Variants in STON2 observed in about 807,000 individuals in gnomAD.
The protein encoded by STON2 is stonin 2.
A neutral mutation model predicts 65.7 loss-of-function variants in STON2; 29 were observed. The ratio of observed to expected loss-of-function variants is 0.44; its 90% CI spans 0.33 to 0.60. The LOEUF (loss-of-function observed/expected upper bound fraction) is 0.60. STON2 is among the 20% of genes least tolerant of loss of function. The pLI is 0.03. For synonymous variants in STON2, 404 were observed against 414.2 expected (o/e 0.98, Z 0.30); for missense variants, 1,054 against 1,118.1 (o/e 0.94, Z 0.82).
At chr14:81,327,239 T>A (rs1299343546) in intron 4 of STON2, among the ~76,000 whole-genome samples, 1 of 151,878 alleles carries the variant, frequency 6.6e-6, no homozygotes, top group Non-Finnish European at 1.5e-5. Flanking sequence ...ATATATCAAA[T>A]TTTTTTTTAT....
At chr14:81,313,489 T>A (rs533811631) in intron 5 of STON2, among the ~76,000 whole-genome samples, 1 of 150,680 alleles carries the variant, frequency 6.6e-6, no homozygotes, top group South Asian at 2.1e-4. Flanking sequence ...GAAAGAAAAT[T>A]GATTAAAAAA....
chr14:81,283,041 T>C (rs1369671992), intron 5 of STON2, among the ~76,000 whole-genome samples: 5 of 152,222 alleles, frequency 3.3e-5, no homozygotes, highest in African/African-American at 1.2e-4. Flanking sequence ...ACCTCCAAAT[T>C]GTTTTTATTA....
At chr14:81,363,144 G>A (rs1308530313) in intron 4 of STON2, among the ~76,000 whole-genome samples, 2 of 152,100 alleles carry the variant, frequency 1.3e-5, no homozygotes, top group Non-Finnish European at 2.9e-5. Context: ...CTTTTTATTT[G>A]TGTGACTTTT....
chr14:81,386,391 C>T (rs986992336), intron 3 of STON2, among the ~76,000 whole-genome samples: 9 of 152,086 alleles, frequency 5.9e-5, no homozygotes, highest in African/African-American at 1.2e-4. Context: ...AAATTAACGG[C>T]GGGGCTAGTC....
chr14:81,421,367 G>A (rs1316875039), intron 2 of STON2, among the ~76,000 whole-genome samples: 1 of 152,224 alleles, frequency 6.6e-6, no homozygotes, highest in Non-Finnish European at 1.5e-5. Flanking sequence ...GCCATGCCAA[G>A]AAGGCTGGGT....
intron 2 of STON2, among the ~76,000 whole-genome samples, chr14:81,416,480 G>C (rs1415772418): frequency 1.3e-5 from 2 of 152,220 alleles, no homozygotes; most frequent in East Asian, 3.9e-4. Flanking sequence ...AATGAGTAGT[G>C]AGAGAAGGTA....
chr14:81,264,488 TGGCTGAACCC>T lies in STON2; in HGVS notation c.*3916_*3925del. On this transcript the variant is annotated 3_prime_UTR_variant, in exon 8 of 8. Coordinates refer to ENST00000614646, the MANE Select transcript of STON2 (RefSeq NM_001394390.1). ...TTGCCCTCCTGGCAAGCATTTAAGGTGGCTGAACCCTATTATATTCCAAGCTTTGTGCTAG... is the reference window on the plus strand; with the variant it reads ...TTGCCCTCCTGGCAAGCATTTAAGGTTATTATATTCCAAGCTTTGTGCTAG... 2 of 985,436 alleles carry T rather than the reference TGGCTGAACCC, an allele frequency of 2.0e-6. No individual in the cohort carries two copies. The highest frequency in any genetic ancestry group is 2.4e-6 in the Non-Finnish European group (2 of 829,926). The allele number at this position is 985,436 out of a possible 1,614,324, so 61.0% of individuals were successfully genotyped here.
intron 5 of STON2, among the ~76,000 whole-genome samples, chr14:81,317,885 G>A (rs1896683313): frequency 6.6e-6 from 1 of 152,104 alleles, no homozygotes; most frequent in South Asian, 2.1e-4. Flanking sequence ...GCATTCTACA[G>A]GAATTCCAAT....
chr14:81,262,991 C>G lies in STON2; in HGVS notation c.*5423G>C. On this transcript the variant is annotated 3_prime_UTR_variant, in exon 8 of 8. Coordinates refer to ENST00000614646, the MANE Select transcript of STON2 (RefSeq NM_001394390.1). ...GACCTTGGTAATGTTTAGAAATCAT[C>G]TTTAGAAACTTGGTGAGAATGCCCT... The G allele has an allele frequency of 1.0e-6, 1 of 985,386 alleles. No homozygotes were observed. The highest frequency in any genetic ancestry group is 1.2e-6 in the Non-Finnish European group (1 of 829,900). The allele number at this position is 985,386 out of a possible 1,614,324, so 61.0% of individuals were successfully genotyped here.
At chr14:81,424,335 T>G (rs187583674) in intron 2 of STON2, among the ~76,000 whole-genome samples, 1 of 151,972 alleles carries the variant, frequency 6.6e-6, no homozygotes, top group African/African-American at 2.4e-5. Flanking sequence ...CCCCAGCTAC[T>G]TGGGAGGCTG....
At chr14:81,360,812 T>G (rs544095569) in intron 4 of STON2, among the ~76,000 whole-genome samples, 1 of 152,104 alleles carries the variant, frequency 6.6e-6, no homozygotes, top group African/African-American at 2.4e-5. Flanking sequence ...CTAATAAACA[T>G]ACACAGTAAA....
Position 81,262,617 on chromosome 14 carries a change from T to C in STON2, c.*5797A>G, listed in dbSNP as rs181310724. ...AGCTTTTGTTACATCCAATGATCAT[T>C]TGCCTCTCTCCAGGCACTACCAAAC... On this transcript the variant is annotated 3_prime_UTR_variant, in exon 8 of 8. Transcript: ENST00000614646. 3.0e-6 allele frequency: 3 copies of C among 985,268 alleles called. No homozygotes were observed. Among genetic ancestry groups the C allele is most frequent in the African/African-American group, 1.7e-5 (1 of 57,382 alleles). The allele number at this position is 985,268 out of a possible 1,614,324, so 61.0% of individuals were successfully genotyped here.
In STON2 at chr14:81,274,374, C is replaced by T. The variant is rs1894721100; in HGVS notation, c.2581+2527G>A. 3.3e-5 allele frequency among the ~76,000 whole-genome samples: 5 copies of T among 152,148 alleles called. No individual in the cohort carries two copies. In the South Asian group the frequency reaches 1.0e-3, roughly 32 times the overall value. On this transcript the variant is annotated intron_variant, in intron 6 of 7. Transcript: ENST00000614646. Reference sequence around the variant, plus strand: ...AAACGAGGTTCCAGCAATCTGGAAACAGATATGTAAAACAGCATATAAGCT... The same window carrying T: ...AAACGAGGTTCCAGCAATCTGGAAATAGATATGTAAAACAGCATATAAGCT...
chr14:81,346,611 G>A (rs1897819510), intron 4 of STON2, among the ~76,000 whole-genome samples: 1 of 152,128 alleles, frequency 6.6e-6, no homozygotes, highest in Non-Finnish European at 1.5e-5. Context: ...TTATCTAACA[G>A]CTGCAGCATA....
In STON2 at chr14:81,324,178, G is replaced by A. The variant is rs576748949; in HGVS notation, c.581C>T (p.Thr194Met). Residue 194 changes from threonine (T) to methionine (M), a missense_variant, in exon 5 of 8, where the codon ACG becomes ATG. By Grantham distance (81) the Thr-to-Met change is moderately conservative (BLOSUM62 -1). Coordinates refer to ENST00000614646, the MANE Select transcript of STON2 (RefSeq NM_001394390.1). ...CGTCTGCCTGCCTGTCTGCCACTCC[G>A]TCCTCTTGTCTGGGTGGGAAGGGCC... ...ASGADSTDKRTEWQTGRQTAV... is the reference protein window; with the variant it reads ...ASGADSTDKRMEWQTGRQTAV... Among the ~76,000 whole-genome samples the A allele has an allele frequency of 2.0e-4, 30 of 152,164 alleles. No homozygotes were observed. Among genetic ancestry groups the A allele is most frequent in the South Asian group, 4.2e-4 (2 of 4,808 alleles).
At chr14:81,393,317 A>G (rs902669461) in intron 3 of STON2, among the ~76,000 whole-genome samples, 1 of 152,240 alleles carries the variant, frequency 6.6e-6, no homozygotes, top group Non-Finnish European at 1.5e-5. Context: ...TTAGGGCAGC[A>G]AAGTGGAGAA....
At chr14:81,292,902 G>C (rs1392908260) in intron 5 of STON2, among the ~76,000 whole-genome samples, 1 of 152,186 alleles carries the variant, frequency 6.6e-6, no homozygotes, top group Admixed American at 6.5e-5. Flanking sequence ...ACAATACAGA[G>C]AGAAGGAATA....
In STON2 at chr14:81,367,598, A is replaced by G. The variant is rs79886963; in HGVS notation, c.571+3390T>C. Among the ~76,000 whole-genome samples the G allele has an allele frequency of 2.7e-3, 413 of 152,308 alleles. 2 individuals are homozygous for G. The highest frequency in any genetic ancestry group is 9.6e-3 in the African/African-American group (399 of 41,566). On this transcript the variant is annotated intron_variant, in intron 4 of 7. Transcript: ENST00000614646. ...TTCTCCTCCTTCTATTCTGGGACCC[A>G]GGATGAGGTGAAGACTTTTCAAAGC... is the stretch of plus-strand genomic sequence containing the variant.
intron 5 of STON2, among the ~76,000 whole-genome samples, chr14:81,294,746 T>G (rs113526238): frequency 6.6e-6 from 1 of 152,320 alleles, no homozygotes; most frequent in African/African-American, 2.4e-5. Flanking sequence ...TAGTCCTGGC[T>G]CTACCACAAA....
Sources: gnomAD v4.1 joint callset for allele counts (sites outside exome capture counted in the v4.1 genomes callset) on GRCh38, gnomAD v4.1.1 for gene constraint, MANE v1.5 for transcripts, NCBI Gene and HGNC (gene_info 2026-07-23, HGNC 2026-07-21) for gene names.